ACSBG2: variants seen among roughly 807,000 people sequenced by gnomAD.
The protein encoded by ACSBG2 is long-chain-fatty-acid--CoA ligase ACSBG2.
Under a neutral mutation model 74.7 loss-of-function variants are expected in ACSBG2, and 62 were observed. That is an observed-to-expected ratio of 0.83 (90% CI 0.68 to 1.03). The LOEUF (loss-of-function observed/expected upper bound fraction) is 1.03, where lower values mean the gene tolerates loss of function less well. Ranked by LOEUF, ACSBG2 falls within the 50% of genes least tolerant of loss-of-function variation. ACSBG2 has a pLI of 0.00. For synonymous variants in ACSBG2, 309 were observed against 294.1 expected (o/e 1.05, Z -0.52); for missense variants, 730 against 817.6 (o/e 0.89, Z 1.31).
chr19:6,156,572 G>T, intron 5 of ACSBG2, 21 bp downstream of exon 5: 4 of 1,514,654 alleles, frequency 2.6e-6, no homozygotes, highest in Non-Finnish European at 3.5e-6. Context: ...ACCCAGCACT[G>T]CCTGCCAAAG....
intron 11 of ACSBG2, 68 bp from the exon 12 acceptor site, chr19:6,187,215 G>T: frequency 6.2e-7 from 1 of 1,603,356 alleles, no homozygotes; most frequent in Non-Finnish European, 8.5e-7. Flanking sequence ...ATGTTGGCCA[G>T]GCTGGTCTCA....
chr19:6,181,768 CGTTT>C (rs980742869), intron 8 of ACSBG2, among the ~76,000 whole-genome samples: 264 of 142,614 alleles, frequency 1.9e-3, no homozygotes, highest in African/African-American at 6.7e-3. Context: ...TTTGTGGAAG[CGTTT>C]GTTTGTTTTA....
chr19:6,190,863 A>G (rs2090547888), intron 14 of ACSBG2, 171 bp downstream of exon 14: 1 of 503,844 alleles, frequency 2.0e-6, no homozygotes, highest in East Asian at 3.6e-5. Flanking sequence ...TCTTAGTTGC[A>G]GTGGATTCTG....
intron 4 of ACSBG2, among the ~76,000 whole-genome samples, chr19:6,153,916 A>C (rs1349004374): frequency 6.8e-6 from 1 of 146,230 alleles, no homozygotes; most frequent in African/African-American, 2.4e-5. Context: ...AAAAGAAAAA[A>C]GAAAAGAAAA....
intron 8 of ACSBG2, among the ~76,000 whole-genome samples, chr19:6,178,306 T>C (rs1464971877): frequency 1.3e-5 from 2 of 152,148 alleles, no homozygotes; most frequent in Non-Finnish European, 1.5e-5. Context: ...TTTGCATACA[T>C]GTCCAGTTGC....
intron 6 of ACSBG2, among the ~76,000 whole-genome samples, chr19:6,161,984 A>G (rs1350129363): frequency 1.3e-5 from 2 of 152,208 alleles, no homozygotes; most frequent in Non-Finnish European, 2.9e-5. Context: ...AAGTTTAAAT[A>G]TTTTATTTAT....
rs2089602996 is a variant in ACSBG2, at chr19:6,161,299, AGT to A, written c.588+8_588+9del. On this transcript the variant is annotated splice_donor_5th_base_variant and intron_variant, in intron 6 of 14. Transcript: ENST00000588485. ...GAAGAACAACAACTTGTACTCTGTAAGTGTGGGAGGTGGGCACTGGGGAAAGG... is the reference window on the plus strand; with the variant it reads ...GAAGAACAACAACTTGTACTCTGTAAGTGGGAGGTGGGCACTGGGGAAAGG... 1.3e-6 allele frequency: 2 copies of A among 1,599,594 alleles called. No individual in the cohort carries two copies. The highest frequency in any genetic ancestry group is 1.7e-6 in the Non-Finnish European group (2 of 1,169,788).
intron 7 of ACSBG2, among the ~76,000 whole-genome samples, chr19:6,171,940 T>G (rs982208353): frequency 2.6e-5 from 4 of 152,160 alleles, no homozygotes; most frequent in Admixed American, 2.6e-4. Context: ...TTGTCTGAGT[T>G]GTTTGAAAGA....
intron 4 of ACSBG2, among the ~76,000 whole-genome samples, chr19:6,154,978 C>T (rs1029991314): frequency 6.6e-6 from 1 of 152,196 alleles, no homozygotes; most frequent in African/African-American, 2.4e-5. Flanking sequence ...CATCTCCATG[C>T]CTCACAGGGC....
intron 2 of ACSBG2, among the ~76,000 whole-genome samples, chr19:6,142,605 T>C (rs932089726): frequency 6.6e-6 from 1 of 151,638 alleles, no homozygotes; most frequent in Admixed American, 6.6e-5. Flanking sequence ...TACAAAAAAT[T>C]AGCCAGGTGT....
At chr19:6,153,947 A>G (rs1001520977) in intron 4 of ACSBG2, among the ~76,000 whole-genome samples, 3 of 152,002 alleles carry the variant, frequency 2.0e-5, no homozygotes, top group African/African-American at 7.2e-5. Context: ...AGGAAAAGAA[A>G]AGAGAAAAGA....
intron 6 of ACSBG2, 61 bp downstream of exon 6, chr19:6,161,356 C>A: frequency 1.3e-6 from 2 of 1,528,768 alleles, no homozygotes; most frequent in African/African-American, 1.4e-5. Flanking sequence ...GAAAAGTGGG[C>A]GTGGCCTAAG....
At chr19:6,173,395 G>A (rs1236886328) in intron 7 of ACSBG2, among the ~76,000 whole-genome samples, 2 of 152,176 alleles carry the variant, frequency 1.3e-5, no homozygotes, top group African/African-American at 2.4e-5. Context: ...TGTGTGAACT[G>A]ACCACCTGGT....
chr19:6,166,291 TG>T (rs1568237533), intron 7 of ACSBG2, among the ~76,000 whole-genome samples: 1 of 145,884 alleles, frequency 6.9e-6, no homozygotes, highest in East Asian at 2.0e-4. Context: ...TGTGTGTGTG[TG>T]TGTGTGTGTG....
At position 6,183,049 on chromosome 19, in the gene ACSBG2, AC is replaced by A; in HGVS notation, c.1100del (p.Thr367IlefsTer3). 6.2e-7 allele frequency: 1 copy of A among 1,613,792 alleles called. No homozygotes were observed. Among genetic ancestry groups the A allele is most frequent in the Non-Finnish European group, 8.5e-7 (1 of 1,179,910 alleles). On this transcript the variant is annotated frameshift_variant, in exon 10 of 15. Transcript: ENST00000588485. LOFTEE classifies it high-confidence loss of function. ...CATTCTTATTCACAGGAAATATAAT[AC>A]TCCCGTGAGCTACCGCATGGCTAAG... is the stretch of plus-strand genomic sequence containing the variant. The part of the protein sequence containing the change: ...NSKKMLGKYN[T>X]PVSYRMAKTL...
Position 6,187,607 on chromosome 19 carries a change from G to T in ACSBG2, c.1689G>T (p.Met563Ile), listed in dbSNP as rs763003149. 7 of 1,614,102 alleles carry T rather than the reference G, an allele frequency of 4.3e-6. No individual in the cohort carries two copies. In the South Asian group the frequency reaches 5.5e-5, roughly 13 times the overall value. Residue 563 changes from methionine to isoleucine, a missense_variant, in exon 13 of 15, where the codon ATG becomes ATT. Transcript: ENST00000588485. ...GAGGTGTCTGGGGGCAGTGTGAGATGAATCAGATGAGCGGAGAACCTCTGG... is the reference window on the plus strand; with the variant it reads ...GAGGTGTCTGGGGGCAGTGTGAGATTAATCAGATGAGCGGAGAACCTCTGG... ...LSMLLTLKCEMNQMSGEPLDK... is the reference protein window; with the variant it reads ...LSMLLTLKCEINQMSGEPLDK...
intron 10 of ACSBG2, 143 bp from the exon 11 acceptor site, chr19:6,185,293 A>G: frequency 1.3e-6 from 1 of 786,468 alleles, no homozygotes; most frequent in Non-Finnish European, 2.1e-6. Flanking sequence ...ACTGCAGCAA[A>G]CACCTCCTTC....
At chr19:6,139,476 C>T (rs1282700764) in intron 1 of ACSBG2, among the ~76,000 whole-genome samples, 3 of 152,186 alleles carry the variant, frequency 2.0e-5, no homozygotes, top group Admixed American at 6.6e-5. Flanking sequence ...GAATCACGTG[C>T]ATGTTACAGG....
chr19:6,184,831 T>TAAA, intron 10 of ACSBG2, among the ~76,000 whole-genome samples: 1 of 13,932 alleles, frequency 7.2e-5, no homozygotes, highest in Non-Finnish European at 1.4e-4. Context: ...TATGTGGAGA[T>TAAA]GAAAAAAAAA....
Sources: gnomAD v4.1 joint callset for allele counts (sites outside exome capture counted in the v4.1 genomes callset) on GRCh38, gnomAD v4.1.1 for gene constraint, MANE v1.5 for transcripts, NCBI Gene and HGNC (gene_info 2026-07-23, HGNC 2026-07-21) for gene names.